The following PCDHA2 variants were observed in gnomAD, a reference collection of about 807,000 sequenced individuals.
PCDHA2 encodes protocadherin alpha-2.
A neutral mutation model predicts 66.0 loss-of-function variants in PCDHA2; 58 were observed. The ratio of observed to expected loss-of-function variants is 0.88; its 90% CI spans 0.71 to 1.09. The LOEUF (loss-of-function observed/expected upper bound fraction) is 1.09, where lower values mean the gene tolerates loss of function less well. Among genes scored for constraint, PCDHA2 ranks in the 50% least tolerant of loss-of-function variants. The pLI is 0.00. For missense variants in PCDHA2, 1,267 were observed against 1,242.3 expected, an observed-to-expected ratio of 1.02 and a Z score of -0.30; for synonymous variants, 634 against 554.0, an observed-to-expected ratio of 1.14 and a Z score of -2.03.
chr5:140,845,771 A>G (rs1034344709), intron 1 of PCDHA2, among the ~76,000 whole-genome samples: 1 of 149,762 alleles, frequency 6.7e-6, no homozygotes, highest in Admixed American at 6.7e-5. Context: ...GTTAATAGTT[A>G]TAAATTATTA....
chr5:140,836,554 C>T, intron 1 of PCDHA2: 1 of 1,613,764 alleles, frequency 6.2e-7, no homozygotes, highest in Non-Finnish European at 8.5e-7. Flanking sequence ...TTGCGGTGCT[C>T]AGCGCCGTCC....
intron 1 of PCDHA2, among the ~76,000 whole-genome samples, chr5:140,936,658 G>A (rs1385566642): frequency 6.6e-6 from 1 of 152,174 alleles, no homozygotes; most frequent in Non-Finnish European, 1.5e-5. Context: ...TATATATTCT[G>A]TTTCTGGACT....
intron 1 of PCDHA2, among the ~76,000 whole-genome samples, chr5:140,891,388 C>A (rs2063075244): frequency 6.6e-6 from 1 of 151,946 alleles, no homozygotes; most frequent in South Asian, 2.1e-4. Flanking sequence ...TATTTGCAAT[C>A]TTTTATCCCT....
intron 1 of PCDHA2, chr5:140,884,234 G>T (rs375170723): frequency 3.7e-6 from 6 of 1,613,500 alleles, no homozygotes; most frequent in Non-Finnish European, 4.2e-6. Context: ...GGACCACGGT[G>T]AGCCCGCGCT....
chr5:140,864,251 T>C (rs2048389187), intron 1 of PCDHA2: 1 of 152,248 alleles, frequency 6.6e-6, no homozygotes, highest in South Asian at 2.1e-4. Context: ...TTCATTTTCT[T>C]ATTCTGATTT....
At chr5:140,891,849 C>G (rs1446447359) in intron 1 of PCDHA2, among the ~76,000 whole-genome samples, 2 of 152,262 alleles carry the variant, frequency 1.3e-5, no homozygotes, top group African/African-American at 4.8e-5. Context: ...TGGAAGGAGC[C>G]TGTCCCTCTC....
chr5:140,962,329 T>A (rs1341757607), intron 1 of PCDHA2, among the ~76,000 whole-genome samples: 1 of 152,250 alleles, frequency 6.6e-6, no homozygotes, highest in Non-Finnish European at 1.5e-5. Context: ...TTGAGAATAC[T>A]GATAAAGAAG....
chr5:140,801,389 C>G (rs1554121466), intron 1 of PCDHA2: 1 of 1,613,606 alleles, frequency 6.2e-7, no homozygotes, highest in South Asian at 1.1e-5. Context: ...CGCGCCTGTT[C>G]CGGGTGGCGT....
chr5:140,959,163 C>T (rs246007), intron 1 of PCDHA2, among the ~76,000 whole-genome samples: 85,446 of 151,632 alleles, frequency 0.56, 24,671 homozygotes, highest in African/African-American at 0.69. Context: ...GATTGCTTGA[C>T]CCCAGGAGTT....
intron 1 of PCDHA2, chr5:140,884,339 G>A (rs1178682525): frequency 6.2e-7 from 1 of 1,613,788 alleles, no homozygotes; most frequent in Non-Finnish European, 8.5e-7. Context: ...GGGTCCAGAA[G>A]CGGCGCTGGT....
intron 3 of PCDHA2, among the ~76,000 whole-genome samples, chr5:141,003,441 AGAT>A (rs2098125025): frequency 6.6e-6 from 1 of 152,122 alleles, no homozygotes; most frequent in Non-Finnish European, 1.5e-5. Context: ...CCTCCCAAGT[AGAT>A]GAAATTACAG....
intron 3 of PCDHA2, among the ~76,000 whole-genome samples, chr5:141,005,772 G>A (rs1554260355): frequency 6.9e-6 from 1 of 144,526 alleles, no homozygotes; most frequent in South Asian, 2.2e-4. Flanking sequence ...CAAACCAGAT[G>A]TGTAAAGATC....
intron 1 of PCDHA2, among the ~76,000 whole-genome samples, chr5:140,894,286 A>T (rs2064400911): frequency 6.6e-6 from 1 of 151,788 alleles, no homozygotes; most frequent in African/African-American, 2.4e-5. Flanking sequence ...GTATTTTTGA[A>T]GTTTATTTTC....
At chr5:140,882,180 AG>A (rs2058993159) in intron 1 of PCDHA2, 1 of 1,518,026 alleles carries the variant, frequency 6.6e-7, no homozygotes. Flanking sequence ...CTTCCGCACT[AG>A]GAAGCCATAA....
At position 140,884,225 on chromosome 5, in the gene PCDHA2, G is replaced by T. The variant is rs782322312; in HGVS notation, c.2388+86873G>T. 1.6e-5 allele frequency: 26 copies of T among 1,613,448 alleles called. No homozygotes were observed. The South Asian group carries it at 2.4e-4, about 15-fold the overall frequency. ...CCACCGCCTTCTGGTGCTGGTGAAG[G>T]ACCACGGTGAGCCCGCGCTGACGGC... is the stretch of plus-strand genomic sequence containing the variant. On this transcript the variant is annotated intron_variant, in intron 1 of 3. Transcript: ENST00000526136.
intron 1 of PCDHA2, chr5:140,866,685 A>T (rs2049496850): frequency 6.6e-6 from 1 of 152,190 alleles, no homozygotes; most frequent in Admixed American, 6.5e-5. Context: ...TAGGTCTGTT[A>T]GAATATCAGT....
intron 1 of PCDHA2, among the ~76,000 whole-genome samples, chr5:140,935,795 C>T (rs1366379710): frequency 2.0e-5 from 3 of 151,764 alleles, no homozygotes; most frequent in Admixed American, 6.6e-5. Flanking sequence ...AAAATATAAA[C>T]GAGATTATTT....
At chr5:140,966,477 T>C in intron 1 of PCDHA2, 1 of 432,754 alleles carries the variant, frequency 2.3e-6, no homozygotes, top group Non-Finnish European at 4.0e-6. Context: ...TTCTGTTTCC[T>C]TTTCCCTCCC....
chr5:140,811,945 T>C (rs189961748), intron 1 of PCDHA2: 1 of 152,198 alleles, frequency 6.6e-6, no homozygotes, highest in South Asian at 2.1e-4. Context: ...TCCCATTCTG[T>C]AGGTTGCCTG....
Sources: allele counts gnomAD v4.1 joint callset (sites outside exome capture counted in the v4.1 genomes callset), GRCh38; gene constraint gnomAD v4.1.1; transcripts MANE v1.5; gene names NCBI Gene and HGNC (gene_info 2026-07-23, HGNC 2026-07-21).